CSMD1: variants seen among roughly 807,000 people sequenced by gnomAD.
CSMD1 encodes CUB and sushi domain-containing protein 1.
A neutral mutation model predicts 417.5 loss-of-function variants in CSMD1; 213 were observed. The ratio of observed to expected loss-of-function variants is 0.51; its 90% CI spans 0.46 to 0.57. The LOEUF is 0.57. Among genes scored for constraint, CSMD1 ranks in the 20% least tolerant of loss-of-function variants. The probability of loss-of-function intolerance (pLI) is 0.00; values close to 1 mark genes in which losing one functional copy is unlikely to be tolerated. For synonymous variants in CSMD1, 2,862 were observed against 1,736.8 expected, an observed-to-expected ratio of 1.65 and a Z score of -16.11; for missense variants, 6,923 against 4,529.7, an observed-to-expected ratio of 1.53 and a Z score of -15.17.
intron 1 of CSMD1, among the ~76,000 whole-genome samples, chr8:4,856,747 A>C (rs1255173909): frequency 6.7e-6 from 1 of 149,968 alleles, no homozygotes; most frequent in Non-Finnish European, 1.5e-5. Flanking sequence ...CCAATACAGG[A>C]GCACCAAGAT....
intron 3 of CSMD1, among the ~76,000 whole-genome samples, chr8:4,311,704 C>T (rs1005385819): frequency 3.0e-5 from 3 of 100,014 alleles, no homozygotes; most frequent in African/African-American, 1.2e-4. Flanking sequence ...GCCTGGGCAA[C>T]AAAGCAAGAC....
Position 4,599,009 on chromosome 8 carries a change from A to C in CSMD1, c.302+38333T>G, listed in dbSNP as rs73659136. 2.5e-3 allele frequency among the ~76,000 whole-genome samples: 382 copies of C among 152,334 alleles called. 1 individual carries two copies. Among genetic ancestry groups the C allele is most frequent in the African/African-American group, 8.8e-3 (368 of 41,582 alleles). On this transcript the variant is annotated intron_variant, in intron 2 of 69. Transcript: ENST00000635120. The stretch of plus-strand genomic sequence containing the variant: ...TTACGTGTACCAGAAAAATTATAAA[A>C]TGGTTTAAAAATGTATTAAACTCTT...
rs183925783 is a variant in CSMD1, at chr8:3,343,201, A to C, written c.3631+93T>G. 6.3e-4 allele frequency: 718 copies of C among 1,144,256 alleles called. 1 individual carries two copies. In the African/African-American group the frequency reaches 0.01, roughly 16 times the overall value. The allele number at this position is 1,144,256 out of a possible 1,614,324, so 70.9% of individuals were successfully genotyped here. A position where few individuals can be genotyped will look rare whatever the true frequency, so the allele number is the denominator to read the frequency against. On this transcript the variant is annotated intron_variant, in intron 23 of 69. Coordinates refer to ENST00000635120, the MANE Select transcript of CSMD1 (RefSeq NM_033225.6). ...ATCAAAAACACAGTAGGCAGCCAGA[A>C]AAAAATCAATATTTAAAACTTAATA...
At chr8:3,684,664 C>T (rs1585072477) in intron 7 of CSMD1, among the ~76,000 whole-genome samples, 1 of 146,972 alleles carries the variant, frequency 6.8e-6, no homozygotes, top group East Asian at 2.1e-4. Flanking sequence ...GTGGCGCTAT[C>T]TCCGCTCACT....
intron 23 of CSMD1, among the ~76,000 whole-genome samples, chr8:3,310,108 G>A (rs1227759051): frequency 6.6e-6 from 1 of 152,192 alleles, no homozygotes; most frequent in Non-Finnish European, 1.5e-5. Flanking sequence ...ACAAAGGGGA[G>A]GTAGAAATTA....
At chr8:4,354,679 C>G (rs562212819) in intron 3 of CSMD1, among the ~76,000 whole-genome samples, 23 of 152,004 alleles carry the variant, frequency 1.5e-4, no homozygotes, top group Non-Finnish European at 2.6e-4. Flanking sequence ...ATTTTTGTAA[C>G]ATTTGTATAT....
chr8:3,592,679 TGTGTGTGCACATCC>T (rs760768366), intron 8 of CSMD1, among the ~76,000 whole-genome samples: 6 of 150,072 alleles, frequency 4.0e-5, no homozygotes, highest in South Asian at 2.2e-4. Flanking sequence ...CACATCCGTG[TGTGTGTGCACATCC>T]GTGTGTGTGT....
At chr8:3,847,877 C>G (rs796638102) in intron 5 of CSMD1, among the ~76,000 whole-genome samples, 8 of 152,294 alleles carry the variant, frequency 5.3e-5, no homozygotes, top group African/African-American at 1.2e-4. Context: ...TATAGCTAGT[C>G]TGACTTTTCA....
intron 4 of CSMD1, among the ~76,000 whole-genome samples, chr8:4,010,187 C>G (rs1376202876): frequency 6.6e-6 from 1 of 152,148 alleles, no homozygotes; most frequent in Non-Finnish European, 1.5e-5. Context: ...TCCACGTACA[C>G]TGGTCCTGCT....
intron 5 of CSMD1, among the ~76,000 whole-genome samples, chr8:3,962,694 G>A (rs1456563526): frequency 1.3e-5 from 2 of 152,152 alleles, no homozygotes; most frequent in Non-Finnish European, 2.9e-5. Context: ...GGAGTGTGGT[G>A]CAGAGGTGCG....
intron 7 of CSMD1, among the ~76,000 whole-genome samples, chr8:3,703,303 G>A (rs529879788): frequency 6.7e-4 from 102 of 152,298 alleles, no homozygotes; most frequent in African/African-American, 2.3e-3. Context: ...AGGGTTGAAA[G>A]CAAGGCTGTG....
chr8:4,103,491 TAAATA>T (rs1801410567), intron 3 of CSMD1, among the ~76,000 whole-genome samples: 1 of 147,550 alleles, frequency 6.8e-6, no homozygotes, highest in Non-Finnish European at 1.5e-5. Flanking sequence ...TACATATATA[TAAATA>T]AACATATAAA....
At chr8:3,518,981 C>A (rs551114174) in intron 10 of CSMD1, among the ~76,000 whole-genome samples, 2 of 152,274 alleles carry the variant, frequency 1.3e-5, no homozygotes, top group African/African-American at 4.8e-5. Flanking sequence ...CACTTTTAAA[C>A]TGAAATATAA....
intron 25 of CSMD1, among the ~76,000 whole-genome samples, chr8:3,293,496 C>T (rs921653383): frequency 1.4e-4 from 22 of 152,270 alleles, no homozygotes; most frequent in African/African-American, 5.3e-4. Context: ...TTCACATAGT[C>T]CCATATTTCT....
chr8:4,387,973 C>T (rs909200457), intron 3 of CSMD1, among the ~76,000 whole-genome samples: 2 of 152,058 alleles, frequency 1.3e-5, no homozygotes, highest in African/African-American at 4.8e-5. Flanking sequence ...ATTTTACTCT[C>T]AGAAGACACA....
chr8:4,297,424 G>T (rs529954821), intron 3 of CSMD1, among the ~76,000 whole-genome samples: 2 of 152,176 alleles, frequency 1.3e-5, no homozygotes, highest in Admixed American at 1.3e-4. Context: ...AATGTTAAAC[G>T]GTATTAAGGA....
intron 8 of CSMD1, among the ~76,000 whole-genome samples, chr8:3,596,938 T>G (rs1005733091): frequency 3.3e-5 from 5 of 152,124 alleles, no homozygotes; most frequent in Non-Finnish European, 7.3e-5. Context: ...CAAGTGCCCC[T>G]CTTAGCAGCA....
intron 2 of CSMD1, among the ~76,000 whole-genome samples, chr8:4,478,651 C>A (rs191327321): frequency 1.8e-4 from 28 of 152,246 alleles, no homozygotes; most frequent in Admixed American, 1.3e-3. Flanking sequence ...TATAAATTTT[C>A]TAATGTCAAG....
At chr8:4,090,906 G>A (rs949655460) in intron 3 of CSMD1, among the ~76,000 whole-genome samples, 2 of 151,172 alleles carry the variant, frequency 1.3e-5, no homozygotes, top group Non-Finnish European at 3.0e-5. Flanking sequence ...AACATAAGGG[G>A]CAGTCTTTTT....
Sources: gnomAD v4.1 joint callset for allele counts (sites outside exome capture counted in the v4.1 genomes callset) on GRCh38, gnomAD v4.1.1 for gene constraint, MANE v1.5 for transcripts, NCBI Gene and HGNC (gene_info 2026-07-23, HGNC 2026-07-21) for gene names.